Variants in RNF6 observed in about 807,000 individuals in gnomAD.
RNF6 encodes the protein E3 ubiquitin-protein ligase RNF6.
Under a neutral mutation model 50.1 loss-of-function variants are expected in RNF6, and 21 were observed. The observed-to-expected ratio is 0.42, with a 90% CI of 0.30 to 0.60. The LOEUF (loss-of-function observed/expected upper bound fraction) is 0.60, where lower values mean the gene tolerates loss of function less well. Ranked by LOEUF, RNF6 falls within the 20% of genes least tolerant of loss-of-function variation. The pLI, the probability that RNF6 is intolerant of heterozygous loss-of-function variation, is 0.20. For synonymous variants in RNF6, 255 were observed against 291.8 expected, an observed-to-expected ratio of 0.87 and a Z score of 1.29; for missense variants, 698 against 838.2, an observed-to-expected ratio of 0.83 and a Z score of 2.07.
intron 5 of RNF6, among the ~76,000 whole-genome samples, chr13:26,197,602 C>G (rs765521482): frequency 6.6e-6 from 1 of 152,038 alleles, no homozygotes; most frequent in Non-Finnish European, 1.5e-5. Context: ...CCTACTCCTT[C>G]TCATGGGTCT....
At chr13:26,143,242 T>C (rs555031115) in intron 5 of RNF6, among the ~76,000 whole-genome samples, 1 of 152,340 alleles carries the variant, frequency 6.6e-6, no homozygotes, top group African/African-American at 2.4e-5. Flanking sequence ...GTCATGGTAA[T>C]ACTGAGAGAT....
chr13:26,183,868 T>C (rs1406227778), intron 5 of RNF6, among the ~76,000 whole-genome samples: 1 of 133,706 alleles, frequency 7.5e-6, no homozygotes, highest in African/African-American at 2.9e-5. Flanking sequence ...TATATTTTTA[T>C]ATATATAAAA....
At chr13:26,176,418 G>A (rs1243564343) in intron 5 of RNF6, among the ~76,000 whole-genome samples, 1 of 152,056 alleles carries the variant, frequency 6.6e-6, no homozygotes, top group Non-Finnish European at 1.5e-5. Flanking sequence ...ACCTTCCAAA[G>A]TCATTGGATT....
intron 5 of RNF6, among the ~76,000 whole-genome samples, chr13:26,141,101 AT>A (rs1870918438): frequency 6.6e-6 from 1 of 152,126 alleles, no homozygotes; most frequent in South Asian, 2.1e-4. Context: ...TGCCAACATC[AT>A]TTTTCACGGA....
At chr13:26,197,609 G>A (rs1358365211) in intron 5 of RNF6, among the ~76,000 whole-genome samples, 1 of 151,808 alleles carries the variant, frequency 6.6e-6, no homozygotes, top group East Asian at 1.9e-4. Flanking sequence ...CTTCTCATGG[G>A]TCTTTTAAAA....
chr13:26,207,628 C>T (rs1210309571), intron 5 of RNF6, among the ~76,000 whole-genome samples: 1 of 152,222 alleles, frequency 6.6e-6, no homozygotes, highest in Non-Finnish European at 1.5e-5. Context: ...CACCTCAAAG[C>T]AGCCGGCCAT....
At chr13:26,163,237 G>A (rs964624987) in intron 5 of RNF6, among the ~76,000 whole-genome samples, 21 of 152,046 alleles carry the variant, frequency 1.4e-4, no homozygotes, top group African/African-American at 3.4e-4. Flanking sequence ...GCGTGAACCC[G>A]GGAGGCGGAG....
chr13:26,183,997 T>C (rs1450653127), intron 5 of RNF6, among the ~76,000 whole-genome samples: 4 of 27,240 alleles, frequency 1.5e-4, no homozygotes, highest in African/African-American at 5.7e-4. Flanking sequence ...ATAAAATATA[T>C]ATATATATAT....
rs1869547085 is a variant in RNF6 at position 26,214,093 on chromosome 13, T to C, written c.1789A>G (p.Ser597Gly). 1.9e-6 allele frequency: 3 copies of C among 1,614,194 alleles called. No homozygotes were observed. The East Asian group carries it at 6.7e-5, about 36-fold the overall frequency. ...CCACGTATTCGATCATCATCATCAC[T>C]TTCATTTAGTAAAAAAAAGTGAGCA... ...RLAHFFLLNE[S>G]DDDDRIRGLT... Residue 597 changes from serine (S) to glycine (G), a missense_variant, in exon 5 of 5, where the codon AGT becomes GGT. Physicochemically the swap from Ser to Gly is moderately conservative, Grantham distance 56. Transcript: ENST00000381588.
chr13:26,218,639 T>G (rs777308378), intron 3 of RNF6, 33 bp from the exon 4 acceptor site: 2 of 1,572,586 alleles, frequency 1.3e-6, no homozygotes, highest in Admixed American at 3.3e-5. Context: ...ATTTAAGAAT[T>G]CTGAATTAAG....
At chr13:26,169,938 C>T (rs950059008) in intron 5 of RNF6, among the ~76,000 whole-genome samples, 8 of 152,180 alleles carry the variant, frequency 5.3e-5, no homozygotes, top group African/African-American at 1.9e-4. Flanking sequence ...AAAAGTCTTC[C>T]TTGCCTGTTT....
At chr13:26,136,269 A>G (rs985404477) in intron 5 of RNF6, among the ~76,000 whole-genome samples, 12 of 152,184 alleles carry the variant, frequency 7.9e-5, no homozygotes, top group African/African-American at 2.7e-4. Flanking sequence ...CCAAGAAGAG[A>G]AATTGCTGAG....
chr13:26,144,261 G>T (rs1017459538), intron 5 of RNF6, among the ~76,000 whole-genome samples: 4 of 152,064 alleles, frequency 2.6e-5, no homozygotes, highest in South Asian at 2.1e-4. Context: ...AACAATAAGG[G>T]TGGCTGGGAA....
At chr13:26,147,209 A>G (rs1000012585) in intron 5 of RNF6, among the ~76,000 whole-genome samples, 2 of 152,166 alleles carry the variant, frequency 1.3e-5, no homozygotes, top group South Asian at 2.1e-4. Context: ...AGAAAATTCA[A>G]GTATTTCTTT....
intron 5 of RNF6, among the ~76,000 whole-genome samples, chr13:26,142,998 C>T (rs542920329): frequency 1.1e-4 from 16 of 152,220 alleles, no homozygotes; most frequent in Admixed American, 4.6e-4. Flanking sequence ...AGAGGAAATA[C>T]TCATGATAGG....
At chr13:26,200,401 A>G (rs1449676857) in intron 5 of RNF6, among the ~76,000 whole-genome samples, 1 of 113,298 alleles carries the variant, frequency 8.8e-6, no homozygotes, top group Admixed American at 1.3e-4. Flanking sequence ...CACTGTTTGA[A>G]ATTCTTTTTT....
At chr13:26,142,741 G>A (rs1411453796) in intron 5 of RNF6, among the ~76,000 whole-genome samples, 2 of 152,054 alleles carry the variant, frequency 1.3e-5, no homozygotes, top group Admixed American at 6.6e-5. Flanking sequence ...GATGGATGGG[G>A]GAAAGTGCTA....
chr13:26,142,098 C>A (rs1210245959), intron 5 of RNF6, among the ~76,000 whole-genome samples: 1 of 152,016 alleles, frequency 6.6e-6, no homozygotes, highest in Middle Eastern at 3.2e-3. Flanking sequence ...CAAAAGAAGA[C>A]AAAGAAGCAG....
At chr13:26,188,776 C>T (rs1873679513) in intron 5 of RNF6, among the ~76,000 whole-genome samples, 2 of 151,824 alleles carry the variant, frequency 1.3e-5, no homozygotes, top group Admixed American at 6.6e-5. Context: ...ACTACAGGCA[C>T]ATGCCACCAT....
Sources: gnomAD v4.1 joint callset for allele counts (sites outside exome capture counted in the v4.1 genomes callset) on GRCh38, gnomAD v4.1.1 for gene constraint, MANE v1.5 for transcripts, NCBI Gene and HGNC (gene_info 2026-07-23, HGNC 2026-07-21) for gene names.